Variants in NUBPL observed in about 807,000 individuals in gnomAD.
The protein encoded by NUBPL is NUBP iron-sulfur cluster assembly factor, mitochondrial.
In NUBPL, 31 loss-of-function variants were observed where a neutral mutation model predicts 45.7. The ratio of observed to expected loss-of-function variants is 0.68; its 90% CI spans 0.51 to 0.92. The LOEUF (loss-of-function observed/expected upper bound fraction) is 0.92, where lower values mean the gene tolerates loss of function less well. Among genes scored for constraint, NUBPL ranks in the 40% least tolerant of loss-of-function variants. The pLI is 0.00. For synonymous variants in NUBPL, 144 were observed against 140.9 expected, an observed-to-expected ratio of 1.02 and a Z score of -0.15; for missense variants, 401 against 398.7, an observed-to-expected ratio of 1.01 and a Z score of -0.05.
chr14:31,830,970 T>G lies in NUBPL; in HGVS notation c.693+4256T>G, dbSNP rs572970564. On this transcript the variant is annotated intron_variant, in intron 8 of 10. Coordinates refer to ENST00000281081, the MANE Select transcript of NUBPL (RefSeq NM_025152.3). ...TTAACCTCACTTTTCACCTGTTAAC[T>G]CCTTTTTATACTTTGGTACTTAGAT... 2.6e-5 allele frequency among the ~76,000 whole-genome samples: 4 copies of G among 152,298 alleles called. No individual in the cohort carries two copies. In the South Asian group the frequency reaches 8.3e-4, roughly 32 times the overall value.
chr14:31,706,443 G>A (rs1473655160), intron 6 of NUBPL, among the ~76,000 whole-genome samples: 1 of 152,174 alleles, frequency 6.6e-6, no homozygotes, highest in South Asian at 2.1e-4. Context: ...GGGTCCAAAG[G>A]TGAGTAACAG....
At chr14:31,763,253 A>G (rs1212461792) in intron 6 of NUBPL, among the ~76,000 whole-genome samples, 1 of 152,208 alleles carries the variant, frequency 6.6e-6, no homozygotes, top group Non-Finnish European at 1.5e-5. Flanking sequence ...GTGTTTATCA[A>G]GAAAATAACA....
intron 6 of NUBPL, among the ~76,000 whole-genome samples, chr14:31,757,813 T>C: frequency 6.6e-6 from 1 of 152,170 alleles, no homozygotes; most frequent in South Asian, 2.1e-4. Context: ...ACCCTTTTTT[T>C]AGCCTTGAGG....
chr14:31,859,095 C>A (rs777468395), intron 10 of NUBPL, 23 bp from the exon 11 acceptor site: 3 of 1,609,064 alleles, frequency 1.9e-6, no homozygotes, highest in African/African-American at 2.7e-5. Context: ...AAATACAGAA[C>A]AAATAAGTTT....
At chr14:31,620,758 G>T (rs956377501) in intron 4 of NUBPL, among the ~76,000 whole-genome samples, 27 of 152,190 alleles carry the variant, frequency 1.8e-4, no homozygotes, top group Admixed American at 5.9e-4. Flanking sequence ...ATACACAGGG[G>T]TCAGGGACCC....
At chr14:31,654,067 C>G (rs913690786) in intron 4 of NUBPL, 1 of 455,198 alleles carries the variant, frequency 2.2e-6, no homozygotes. Flanking sequence ...TTGGTACATA[C>G]AGGTATATCT....
At chr14:31,580,633 ATGAAAG>A (rs1345281462) in intron 3 of NUBPL, among the ~76,000 whole-genome samples, 1 of 152,168 alleles carries the variant, frequency 6.6e-6, no homozygotes, top group Non-Finnish European at 1.5e-5. Flanking sequence ...AAAAAATAAA[ATGAAAG>A]TGATAGGAGG....
In NUBPL at chr14:31,838,144, G is replaced by A. The variant is rs1382479129; in HGVS notation, c.694-8327G>A. Among the ~76,000 whole-genome samples, 2 of 151,946 alleles carry A rather than the reference G, an allele frequency of 1.3e-5. 1 individual carries two copies. The stretch of plus-strand genomic sequence containing the variant: ...TTTGCTAAAATTTATAAAAACTGAT[G>A]GTACCAAAGATCCAGGCTGTGGAAT... On this transcript the variant is annotated intron_variant, in intron 8 of 10. Coordinates refer to ENST00000281081, the MANE Select transcript of NUBPL (RefSeq NM_025152.3).
intron 4 of NUBPL, among the ~76,000 whole-genome samples, chr14:31,628,145 A>G (rs1227610629): frequency 2.0e-5 from 3 of 152,198 alleles, no homozygotes; most frequent in Non-Finnish European, 4.4e-5. Context: ...ATAGCCTTTT[A>G]AATAAGTGTG....
chr14:31,599,485 A>G, intron 4 of NUBPL, 106 bp downstream of exon 4: 1 of 769,098 alleles, frequency 1.3e-6, no homozygotes, highest in Non-Finnish European at 2.2e-6. Context: ...TGCACAATGT[A>G]GTGTAAGTCC....
chr14:31,648,789 A>G (rs768870670), intron 4 of NUBPL, among the ~76,000 whole-genome samples: 2 of 152,172 alleles, frequency 1.3e-5, no homozygotes, highest in African/African-American at 2.4e-5. Context: ...TGTTAGTTCT[A>G]TTCTGCAAAG....
chr14:31,659,788 A>C (rs548798910), intron 4 of NUBPL, among the ~76,000 whole-genome samples: 1 of 152,212 alleles, frequency 6.6e-6, no homozygotes, highest in African/African-American at 2.4e-5. Flanking sequence ...AATGTGATCT[A>C]CTTGAGCCAG....
At position 31,750,653 on chromosome 14, in the gene NUBPL, A is replaced by G. The variant is rs182884692; in HGVS notation, c.514-37127A>G. Among the ~76,000 whole-genome samples the G allele has an allele frequency of 1.1e-3, 172 of 152,224 alleles. 1 individual carries two copies. The highest frequency in any genetic ancestry group is 1.2e-3 in the Non-Finnish European group (85 of 68,028). ...TATTAATATCTGCAAAACTAGTGGA[A>G]CAGTCACCTCTACCAATTTTTTATA... On this transcript the variant is annotated intron_variant, in intron 6 of 10. Coordinates refer to ENST00000281081, the MANE Select transcript of NUBPL (RefSeq NM_025152.3).
At chr14:31,698,106 A>C (rs1325670347) in intron 6 of NUBPL, among the ~76,000 whole-genome samples, 1 of 152,138 alleles carries the variant, frequency 6.6e-6, no homozygotes, top group Non-Finnish European at 1.5e-5. Flanking sequence ...GTATTTTTCA[A>C]ATTTTAATAT....
chr14:31,572,464 T>A (rs1401003138), intron 3 of NUBPL, among the ~76,000 whole-genome samples: 2 of 152,208 alleles, frequency 1.3e-5, no homozygotes, highest in Non-Finnish European at 2.9e-5. Context: ...GATTAAGAAC[T>A]AGGTTGTCTT....
rs190782431 is a variant in NUBPL, at chr14:31,852,928, A to G, written c.897+2727A>G. 3.9e-5 allele frequency among the ~76,000 whole-genome samples: 6 copies of G among 152,370 alleles called. No homozygotes were observed. In the East Asian group the frequency reaches 1.2e-3, roughly 29 times the overall value. On this transcript the variant is annotated intron_variant, in intron 10 of 10. Transcript: ENST00000281081. ...CAGATTCTGTTGTATTCATAGAAGC[A>G]TAATACCTATTCTGCCTGCATGTCT...
intron 4 of NUBPL, among the ~76,000 whole-genome samples, chr14:31,671,834 C>T (rs752972122): frequency 2.6e-5 from 4 of 151,916 alleles, no homozygotes; most frequent in Non-Finnish European, 5.9e-5. Context: ...TTATATAATC[C>T]ATGCATATAT....
chr14:31,644,232 A>G (rs566312535), intron 4 of NUBPL, among the ~76,000 whole-genome samples: 1 of 151,852 alleles, frequency 6.6e-6, no homozygotes, highest in Non-Finnish European at 1.5e-5. Context: ...ATGCATTGAT[A>G]TGTTGTGTTA....
intron 6 of NUBPL, among the ~76,000 whole-genome samples, chr14:31,756,481 T>C (rs534521159): frequency 1.1e-4 from 17 of 152,190 alleles, no homozygotes; most frequent in Non-Finnish European, 1.9e-4. Flanking sequence ...GGGAGTTCAC[T>C]CATGATTTGG....
Sources: gnomAD v4.1 joint callset for allele counts (sites outside exome capture counted in the v4.1 genomes callset) on GRCh38, gnomAD v4.1.1 for gene constraint, MANE v1.5 for transcripts, NCBI Gene and HGNC (gene_info 2026-07-23, HGNC 2026-07-21) for gene names.